Variants in PSMD1 observed in about 807,000 individuals in gnomAD.
PSMD1 encodes the protein 26S proteasome non-ATPase regulatory subunit 1.
Under a neutral mutation model 119.0 loss-of-function variants are expected in PSMD1, and 18 were observed. The ratio of observed to expected loss-of-function variants is 0.15; its 90% CI spans 0.10 to 0.22. The LOEUF (loss-of-function observed/expected upper bound fraction) is 0.22. Among genes scored for constraint, PSMD1 ranks in the 10% least tolerant of loss-of-function variants. The pLI is 1.00. For synonymous variants in PSMD1, 374 were observed against 396.6 expected (o/e 0.94, Z 0.68); for missense variants, 702 against 1,158.5 (o/e 0.61, Z 5.72).
chr2:231,061,165 C>CA (rs1197143019), intron 1 of PSMD1, 102 bp from the exon 2 acceptor site: 7 of 838,166 alleles, frequency 8.4e-6, no homozygotes, highest in Non-Finnish European at 1.3e-5. Flanking sequence ...AGTTACGCCT[C>CA]AAAAAAATTG....
At chr2:231,089,936 A>G (rs949519319) in intron 16 of PSMD1, among the ~76,000 whole-genome samples, 3 of 152,234 alleles carry the variant, frequency 2.0e-5, no homozygotes, top group African/African-American at 7.2e-5. Context: ...AGACATACCC[A>G]GGATCAATAC....
intron 16 of PSMD1, among the ~76,000 whole-genome samples, chr2:231,115,921 A>G (rs1370149801): frequency 6.6e-6 from 1 of 152,128 alleles, no homozygotes; most frequent in Non-Finnish European, 1.5e-5. Flanking sequence ...TATGCAAATT[A>G]ACATTTGAGA....
chr2:231,151,622 C>T (rs1696377343), intron 18 of PSMD1, among the ~76,000 whole-genome samples: 1 of 151,620 alleles, frequency 6.6e-6, no homozygotes, highest in Non-Finnish European at 1.5e-5. Context: ...TAAATTTTCC[C>T]TATAATGTAC....
intron 16 of PSMD1, among the ~76,000 whole-genome samples, chr2:231,093,928 G>A (rs1288628823): frequency 1.3e-5 from 2 of 152,094 alleles, no homozygotes; most frequent in Admixed American, 6.6e-5. Context: ...TTTAATTTTT[G>A]TGGGCCGCCC....
chr2:231,110,711 A>G (rs1695129257), intron 16 of PSMD1, among the ~76,000 whole-genome samples: 1 of 152,242 alleles, frequency 6.6e-6, no homozygotes. Context: ...GTTCTACACC[A>G]GGGGTCATTA....
At chr2:231,149,122 C>T (rs1696315246) in intron 18 of PSMD1, among the ~76,000 whole-genome samples, 1 of 152,170 alleles carries the variant, frequency 6.6e-6, no homozygotes, top group African/African-American at 2.4e-5. Flanking sequence ...ATGTCACATC[C>T]CTAACACTTA....
At chr2:231,090,038 CT>C (rs1694549132) in intron 16 of PSMD1, among the ~76,000 whole-genome samples, 1 of 152,224 alleles carries the variant, frequency 6.6e-6, no homozygotes. Context: ...TTGAAGCCCA[CT>C]GTTGAGAATT....
intron 20 of PSMD1, 61 bp from the exon 21 acceptor site, chr2:231,163,574 G>T (rs887126685): frequency 3.9e-6 from 5 of 1,273,616 alleles, no homozygotes; most frequent in Middle Eastern, 1.9e-4. Flanking sequence ...TTTTGTATCC[G>T]TATGCCTGTG....
chr2:231,108,480 T>C, intron 16 of PSMD1: 1 of 1,481,036 alleles, frequency 6.8e-7, no homozygotes, highest in Non-Finnish European at 9.4e-7. Context: ...TTCATCATCT[T>C]ACTCATCATT....
At position 231,153,654 on chromosome 2, in the gene PSMD1, A is replaced by G. The variant is rs1020945849; in HGVS notation, c.2206A>G (p.Ile736Val). 6.2e-6 allele frequency: 10 copies of G among 1,602,810 alleles called. No individual in the cohort carries two copies. The highest frequency in any genetic ancestry group is 7.7e-6 in the Non-Finnish European group (9 of 1,172,766). The change falls in exon 19 of 25, where the codon ATA becomes GTA. Residue 736 changes from isoleucine to valine, a missense_variant. Around this residue, in one of 9 missense-constraint regions of PSMD1, gnomAD observed 272 missense variants for 511.6 expected, o/e 0.53. Transcript: ENST00000308696. Reference protein sequence around the residue: ...AKFGAILAQGILDAGGHNVTI... With the variant: ...AKFGAILAQGVLDAGGHNVTI... Reference sequence around the variant, plus strand: ...GTTTGGCGCTATTCTGGCCCAGGGCATACTGGATGCAGGTAAATGTTTTTA... The same window carrying G: ...GTTTGGCGCTATTCTGGCCCAGGGCGTACTGGATGCAGGTAAATGTTTTTA...
rs751872092 is a variant in PSMD1 at position 231,138,875 on chromosome 2, A to C, written c.1998+25A>C. On this transcript the variant is annotated intron_variant, in intron 17 of 24. Coordinates refer to ENST00000308696, the MANE Select transcript of PSMD1 (RefSeq NM_002807.4). ...GGTAAAGCCCACAGCCAATGGGGTC[A>C]GTTCTTTCTTGGCGCCAGACTGTTT... The C allele has an allele frequency of 3.9e-6, 6 of 1,549,034 alleles. No individual in the cohort carries two copies. The African/African-American group carries it at 6.8e-5, about 18-fold the overall frequency.
chr2:231,125,504 A>G (rs1574755270), intron 16 of PSMD1, among the ~76,000 whole-genome samples: 1 of 152,204 alleles, frequency 6.6e-6, no homozygotes, highest in South Asian at 2.1e-4. Flanking sequence ...GTGGAACACC[A>G]TTAATTTGCT....
intron 18 of PSMD1, among the ~76,000 whole-genome samples, chr2:231,146,802 T>C (rs1696262582): frequency 6.6e-6 from 1 of 152,224 alleles, no homozygotes; most frequent in South Asian, 2.1e-4. Context: ...CATCTTAGTT[T>C]AGAAATGAGT....
At chr2:231,169,961 T>C (rs1443720801) in intron 23 of PSMD1, among the ~76,000 whole-genome samples, 1 of 152,226 alleles carries the variant, frequency 6.6e-6, no homozygotes, top group Non-Finnish European at 1.5e-5. Flanking sequence ...AAACCCGGGA[T>C]ATCTGTGTTA....
chr2:231,122,785 TATC>T (rs1460996417), intron 16 of PSMD1, among the ~76,000 whole-genome samples: 1 of 152,176 alleles, frequency 6.6e-6, no homozygotes, highest in African/African-American at 2.4e-5. Flanking sequence ...GATGCCCATA[TATC>T]ATAAAAAAAT....
At chr2:231,069,318 T>A (rs1016313110) in intron 5 of PSMD1, among the ~76,000 whole-genome samples, 16 of 152,224 alleles carry the variant, frequency 1.1e-4, no homozygotes, top group Non-Finnish European at 2.1e-4. Context: ...CTGTTATTTT[T>A]AAATTGTATT....
chr2:231,074,592 A>T (rs2125164449), intron 7 of PSMD1, among the ~76,000 whole-genome samples: 1 of 152,056 alleles, frequency 6.6e-6, no homozygotes, highest in South Asian at 2.1e-4. Context: ...TACTTCTAAT[A>T]TGTAATAGTC....
chr2:231,108,852 CAT>C (rs1472704482), intron 16 of PSMD1: 2 of 1,614,040 alleles, frequency 1.2e-6, no homozygotes, highest in South Asian at 1.1e-5. Flanking sequence ...CCTGAGGAAA[CAT>C]AGCCTATCCA....
In PSMD1 at chr2:231,170,954, A is replaced by G. The variant is rs1163092763; in HGVS notation, c.*9+233A>G. Among the ~76,000 whole-genome samples the G allele has an allele frequency of 6.6e-6, 1 of 152,184 alleles. No homozygotes were observed. Among genetic ancestry groups the G allele is most frequent in the African/African-American group, 2.4e-5 (1 of 41,456 alleles). On this transcript the variant is annotated intron_variant, in intron 24 of 24. Coordinates refer to ENST00000308696, the MANE Select transcript of PSMD1 (RefSeq NM_002807.4). This position sits in a 1 kb window ranked among gnomAD's most constrained non-coding sequence, Gnocchi z 4.1. ...CGTTATTCAAAGTGGCTGGTCTGCA[A>G]ACTATTTTTATAGGTCCATAAGGAG...
Sources: allele counts gnomAD v4.1 joint callset (sites outside exome capture counted in the v4.1 genomes callset), GRCh38; gene constraint gnomAD v4.1.1; regional missense constraint gnomAD v4.1.1; non-coding constraint Gnocchi (gnomAD v3.1); transcripts MANE v1.5; gene names NCBI Gene and HGNC (gene_info 2026-07-23, HGNC 2026-07-21).